The following DNAH14 variants were observed in gnomAD, a reference collection of about 807,000 sequenced individuals.
DNAH14 encodes the protein axonemal beta dynein heavy chain 14.
DNAH14 carries 478 observed loss-of-function variants against 520.9 expected under a neutral mutation model. The ratio of observed to expected loss-of-function variants is 0.92; its 90% CI spans 0.85 to 0.99. DNAH14 has a LOEUF of 0.99. Among genes scored for constraint, DNAH14 ranks in the 50% least tolerant of loss-of-function variants. The pLI is 0.00. For synonymous variants in DNAH14, 1,581 were observed against 1,757.2 expected, an observed-to-expected ratio of 0.90 and a Z score of 2.51; for missense variants, 4,831 against 5,234.5, an observed-to-expected ratio of 0.92 and a Z score of 2.38.
chr1:225,280,022 T>A (rs1346608582), intron 54 of DNAH14, among the ~76,000 whole-genome samples: 1 of 151,744 alleles, frequency 6.6e-6, no homozygotes, highest in East Asian at 1.9e-4. Context: ...TGTCTGGGAT[T>A]CAAAATTAAA....
chr1:225,275,007 T>A (rs1215976958), intron 52 of DNAH14, among the ~76,000 whole-genome samples: 2 of 152,362 alleles, frequency 1.3e-5, no homozygotes, highest in East Asian at 3.9e-4. Context: ...ATGATATAGG[T>A]CCTGTTATTA....
At chr1:225,158,525 G>T (rs1244422444) in intron 34 of DNAH14, among the ~76,000 whole-genome samples, 2 of 152,108 alleles carry the variant, frequency 1.3e-5, no homozygotes, top group African/African-American at 4.8e-5. Context: ...TTACTCGAGT[G>T]GACTCGTCGC....
At chr1:225,010,115 G>T (rs552133835) in intron 10 of DNAH14, among the ~76,000 whole-genome samples, 2 of 152,284 alleles carry the variant, frequency 1.3e-5, no homozygotes, top group African/African-American at 4.8e-5. Flanking sequence ...GCCCTAGCCA[G>T]AACTTCCAAT....
intron 81 of DNAH14, among the ~76,000 whole-genome samples, chr1:225,386,382 G>C (rs993589328): frequency 6.6e-6 from 1 of 152,112 alleles, no homozygotes; most frequent in Non-Finnish European, 1.5e-5. Context: ...TGACAAATGG[G>C]ATCTAATTAA....
At chr1:224,988,080 A>AGT (rs144322615) in intron 8 of DNAH14, among the ~76,000 whole-genome samples, 22,815 of 151,090 alleles carry the variant, frequency 0.15, 3,173 homozygotes, top group African/African-American at 0.36. Flanking sequence ...AGCAGGCCCC[A>AGT]GTGTGTTGTT....
intron 38 of DNAH14, among the ~76,000 whole-genome samples, chr1:225,198,514 GC>G (rs1219109050): frequency 6.6e-6 from 1 of 152,172 alleles, no homozygotes; most frequent in African/African-American, 2.4e-5. Context: ...ACTGTGCCCA[GC>G]CCCTTCTATG....
chr1:225,079,269 G>A lies in DNAH14; in HGVS notation c.2487G>A (p.Glu829=), dbSNP rs762738823. The A allele has an allele frequency of 1.4e-5, 21 of 1,548,384 alleles. No homozygotes were observed. The South Asian group carries it at 2.4e-4, about 18-fold the overall frequency. Residue 829 remains glutamate, a synonymous_variant, in exon 18 of 86, where the codon GAG becomes GAA. Transcript: ENST00000682510. ...CCACTGAAATAGAAGAATTTCTGGA[G>A]CATTTTATTTTTTTGAATGCAATTT... The part of the protein sequence containing the change: ...CDPTEIEEFL[E]HFIFLNAISS...
intron 18 of DNAH14, 84 bp from the exon 19 acceptor site, chr1:225,080,295 A>C (rs933400483): frequency 5.3e-6 from 7 of 1,323,210 alleles, no homozygotes; most frequent in Non-Finnish European, 7.1e-6. Flanking sequence ...CCTAGATTAT[A>C]TACTAAAATG....
At chr1:224,951,399 A>ATT (rs35121883) in intron 1 of DNAH14, among the ~76,000 whole-genome samples, 7,087 of 146,922 alleles carry the variant, frequency 0.048, 238 homozygotes, top group South Asian at 0.091. Flanking sequence ...TGATTTAGGG[A>ATT]TTTTTTTTTT....
chr1:225,195,624 T>C (rs1277580749), intron 38 of DNAH14, among the ~76,000 whole-genome samples: 1 of 148,300 alleles, frequency 6.7e-6, no homozygotes, highest in East Asian at 2.0e-4. Flanking sequence ...ATAACAACCC[T>C]GCACATATAC....
intron 38 of DNAH14, among the ~76,000 whole-genome samples, chr1:225,200,858 T>C (rs2086732197): frequency 6.6e-6 from 1 of 152,158 alleles, no homozygotes; most frequent in Non-Finnish European, 1.5e-5. Context: ...TTGCAATGAA[T>C]TTCCCAGGTG....
chr1:225,045,838 G>T (rs1026185557), intron 15 of DNAH14, among the ~76,000 whole-genome samples: 6 of 151,966 alleles, frequency 3.9e-5, no homozygotes, highest in South Asian at 2.1e-4. Context: ...ATAAACTTGG[G>T]GTGGGAGGAG....
Position 225,100,768 on chromosome 1 carries a change from AT to A in DNAH14, c.3752del (p.Ile1251LysfsTer14), listed in dbSNP as rs990628618. 3 of 1,539,596 alleles carry A rather than the reference AT, an allele frequency of 1.9e-6. No homozygotes were observed. Among genetic ancestry groups the A allele is most frequent in the Admixed American group, 4.2e-5 (2 of 47,552 alleles). ...TCAAGTGATTTCCATGTGGAAAAAA[AT>A]AATGTCAAAAATACAAAACAAACAG... The part of the protein sequence containing the change: ...FSQVISMWKK[I>X]MSKIQNKQNA... On this transcript the variant is annotated frameshift_variant, in exon 23 of 86. Coordinates refer to ENST00000682510, the MANE Select transcript of DNAH14 (RefSeq NM_001367479.1). LOFTEE classifies it high-confidence loss of function.
intron 4 of DNAH14, 65 bp from the exon 5 acceptor site, chr1:224,964,414 T>C: frequency 6.8e-7 from 1 of 1,481,138 alleles, no homozygotes; most frequent in Non-Finnish European, 9.0e-7. Context: ...TGTAATATTA[T>C]GCATTATCCT....
At chr1:225,259,016 T>C in intron 45 of DNAH14, 105 bp from the exon 46 acceptor site, 2 of 1,234,672 alleles carry the variant, frequency 1.6e-6, no homozygotes, top group South Asian at 3.6e-5. Context: ...AAAACACTTT[T>C]TATGCAATTT....
chr1:224,976,624 C>G (rs1433328673), intron 8 of DNAH14, among the ~76,000 whole-genome samples: 1 of 151,468 alleles, frequency 6.6e-6, no homozygotes, highest in African/African-American at 2.4e-5. Flanking sequence ...GTACAATGAA[C>G]TCAAACAAAT....
chr1:225,380,465 C>T lies in DNAH14; in HGVS notation c.12880+143C>T, dbSNP rs557338137. On this transcript the variant is annotated intron_variant, in intron 80 of 85. Coordinates refer to ENST00000682510, the MANE Select transcript of DNAH14 (RefSeq NM_001367479.1). ...AGATGGAAAACTCAGTCTCTGCCTC[C>T]TCTCTCCAAGTTGAAAGACAGAGAG... 46 of 987,680 alleles carry T rather than the reference C, an allele frequency of 4.7e-5. 1 individual carries two copies. In the African/African-American group the frequency reaches 7.7e-4, roughly 16 times the overall value. The allele number at this position is 987,680 out of a possible 1,614,324, so 61.2% of individuals were successfully genotyped here.
At chr1:225,173,381 A>G (rs1276896535) in intron 36 of DNAH14, among the ~76,000 whole-genome samples, 1 of 152,254 alleles carries the variant, frequency 6.6e-6, no homozygotes, top group Admixed American at 6.5e-5. Context: ...GCTAATATCC[A>G]GAATCTACAA....
intron 21 of DNAH14, among the ~76,000 whole-genome samples, chr1:225,086,324 C>T (rs933543017): frequency 6.6e-6 from 1 of 151,422 alleles, no homozygotes; most frequent in East Asian, 1.9e-4. Flanking sequence ...TTAGTAGAGA[C>T]GGGATTTCAC....
Sources: gnomAD v4.1 joint callset for allele counts (sites outside exome capture counted in the v4.1 genomes callset) on GRCh38, gnomAD v4.1.1 for gene constraint, MANE v1.5 for transcripts, NCBI Gene and HGNC (gene_info 2026-07-23, HGNC 2026-07-21) for gene names.